ZMYM4: variants seen among roughly 807,000 people sequenced by gnomAD.
ZMYM4 encodes zinc finger MYM-type containing 4, also known as zinc finger MYM-type protein 4.
ZMYM4 carries 31 observed loss-of-function variants against 183.2 expected under a neutral mutation model. The observed-to-expected ratio is 0.17, with a 90% CI of 0.13 to 0.23. The LOEUF is 0.23. Among genes scored for constraint, ZMYM4 ranks in the 10% least tolerant of loss-of-function variants. ZMYM4 has a pLI of 1.00. For missense variants in ZMYM4, 1,273 were observed against 1,840.3 expected, an observed-to-expected ratio of 0.69 and a Z score of 5.64; for synonymous variants, 592 against 631.2, an observed-to-expected ratio of 0.94 and a Z score of 0.93.
Position 35,387,612 on chromosome 1 carries a change from C to T in ZMYM4, c.2263+8C>T. 1.3e-6 allele frequency: 2 copies of T among 1,598,580 alleles called. No homozygotes were observed. The highest frequency in any genetic ancestry group is 1.7e-6 in the Non-Finnish European group (2 of 1,175,568). Reference sequence around the variant, plus strand: ...AGTCATTCTGTAGTGAAGGTAAAGACAGAAGATTATCTTACCTACTGAGCA... The same window carrying T: ...AGTCATTCTGTAGTGAAGGTAAAGATAGAAGATTATCTTACCTACTGAGCA... On this transcript the variant is annotated splice_region_variant and intron_variant, in intron 13 of 29. Coordinates refer to ENST00000314607, the MANE Select transcript of ZMYM4 (RefSeq NM_005095.3).
In ZMYM4 at chr1:35,277,382, TATA is replaced by T. The variant is rs1639928066; in HGVS notation, c.39+8300_39+8302del. ...CAATTTTGAGAATGAAAGGGGGTGCTATAATGATTACACAGAAGGAATAGTTTA... is the reference window on the plus strand; with the variant it reads ...CAATTTTGAGAATGAAAGGGGGTGCTATGATTACACAGAAGGAATAGTTTA... On this transcript the variant is annotated intron_variant, in intron 1 of 29. Coordinates refer to ENST00000314607, the MANE Select transcript of ZMYM4 (RefSeq NM_005095.3). Among the ~76,000 whole-genome samples, 3 of 152,184 alleles carry T rather than the reference TATA, an allele frequency of 2.0e-5. No homozygotes were observed. The South Asian group carries it at 6.2e-4, about 31-fold the overall frequency.
intron 1 of ZMYM4, among the ~76,000 whole-genome samples, chr1:35,276,012 C>G (rs1404309096): frequency 6.6e-6 from 1 of 152,088 alleles, no homozygotes; most frequent in Non-Finnish European, 1.5e-5. Flanking sequence ...TAATTAGCTG[C>G]CTTTGACCAA....
intron 5 of ZMYM4, among the ~76,000 whole-genome samples, chr1:35,367,142 A>G (rs2148926596): frequency 6.6e-6 from 1 of 152,308 alleles, no homozygotes; most frequent in East Asian, 1.9e-4. Context: ...CACTTATTAC[A>G]CATATATTCT....
At position 35,268,982 on chromosome 1, in the gene ZMYM4, C is replaced by T. The variant is rs1639445697; in HGVS notation, c.-65C>T. 6 of 1,483,562 alleles carry T rather than the reference C, an allele frequency of 4.0e-6. No homozygotes were observed. The highest frequency in any genetic ancestry group is 2.6e-5 in the South Asian group (2 of 75,806). 91.9% of individuals were successfully genotyped at this position (1,483,562 alleles called of 1,614,324 possible). ...CCGTGCCTGCAGTGTGGGCGGGGGC[C>T]GGGGGGCCGAGAGGTACCGCCGCCA... On this transcript the variant is annotated 5_prime_UTR_variant, in exon 1 of 30. Transcript: ENST00000314607.
At chr1:35,357,790 A>C (rs1643867079) in intron 2 of ZMYM4, among the ~76,000 whole-genome samples, 1 of 152,206 alleles carries the variant, frequency 6.6e-6, no homozygotes, top group Admixed American at 6.5e-5. Flanking sequence ...AAATCTTATA[A>C]GAAAGGTCTA....
chr1:35,292,518 GAC>G (rs1236085680), intron 1 of ZMYM4: 4 of 152,194 alleles, frequency 2.6e-5, no homozygotes, highest in Non-Finnish European at 5.9e-5. Flanking sequence ...TTTTTTTTGA[GAC>G]AGAGTCTCAC....
intron 1 of ZMYM4, among the ~76,000 whole-genome samples, chr1:35,319,169 C>T (rs796429657): frequency 9.2e-5 from 14 of 152,124 alleles, no homozygotes; most frequent in African/African-American, 2.7e-4. Context: ...TGTGAGCCAC[C>T]GTGCCTGGCC....
chr1:35,268,978 G>C lies in ZMYM4; in HGVS notation c.-69G>C. ...GCGGCCGTGCCTGCAGTGTGGGCGGGGGCCGGGGGGCCGAGAGGTACCGCC... is the reference window on the plus strand; with the variant it reads ...GCGGCCGTGCCTGCAGTGTGGGCGGCGGCCGGGGGGCCGAGAGGTACCGCC... On this transcript the variant is annotated 5_prime_UTR_variant, in exon 1 of 30. Transcript: ENST00000314607. 4 of 1,478,220 alleles carry C rather than the reference G, an allele frequency of 2.7e-6. No homozygotes were observed. Among genetic ancestry groups the C allele is most frequent in the Middle Eastern group, 4.8e-4 (2 of 4,134 alleles). The allele number at this position is 1,478,220 out of a possible 1,614,324, so 91.6% of individuals were successfully genotyped here.
Position 35,389,181 on chromosome 1 carries a change from CT to C in ZMYM4, c.2436+103del, listed in dbSNP as rs1570502729. 1 of 1,235,470 alleles carries C rather than the reference CT, an allele frequency of 8.1e-7. No individual in the cohort carries two copies. Among genetic ancestry groups the C allele is most frequent in the Non-Finnish European group, 1.1e-6 (1 of 904,580 alleles). The allele number at this position is 1,235,470 out of a possible 1,614,324, so 76.5% of individuals were successfully genotyped here. On this transcript the variant is annotated intron_variant, in intron 14 of 29. Transcript: ENST00000314607. The surrounding 1 kb of genome is among the most constrained non-coding windows in gnomAD (Gnocchi z 4.0). ...TAAAGGACAATTTAATTATTTAAAA[CT>C]TTTAAGTATTAAATGTTTTATGCCT...
At chr1:35,339,297 C>T (rs59396158) in intron 2 of ZMYM4, among the ~76,000 whole-genome samples, 10,904 of 151,918 alleles carry the variant, frequency 0.072, 442 homozygotes, top group African/African-American at 0.093. Context: ...TGCAGTGGCG[C>T]GATCTTTGCT....
chr1:35,413,886 G>A, intron 26 of ZMYM4, 86 bp from the exon 27 acceptor site: 2 of 774,340 alleles, frequency 2.6e-6, no homozygotes, highest in Non-Finnish European at 2.0e-6. Flanking sequence ...AAAAATTAAG[G>A]GTAAACTGTA....
At chr1:35,356,510 C>T (rs1379628620) in intron 2 of ZMYM4, among the ~76,000 whole-genome samples, 1 of 152,104 alleles carries the variant, frequency 6.6e-6, no homozygotes, top group East Asian at 1.9e-4. Context: ...GACAATTTTT[C>T]CAATTATATT....
chr1:35,390,899 G>A (rs1377933212), intron 15 of ZMYM4, among the ~76,000 whole-genome samples: 2 of 152,178 alleles, frequency 1.3e-5, no homozygotes, highest in East Asian at 3.8e-4. Context: ...AGATGTGATG[G>A]TTCATGCCTG....
At position 35,386,549 on chromosome 1, in the gene ZMYM4, C is replaced by G. The variant is rs1032812979; in HGVS notation, c.1836+360C>G. 2.6e-5 allele frequency among the ~76,000 whole-genome samples: 4 copies of G among 152,138 alleles called. No individual in the cohort carries two copies. The South Asian group carries it at 6.2e-4, about 24-fold the overall frequency. ...AGTCACTTCCTGCCAGGCTCCTCCC[C>G]CAACATTGGGGATTACCGACTGGAC... On this transcript the variant is annotated intron_variant, in intron 11 of 29. Coordinates refer to ENST00000314607, the MANE Select transcript of ZMYM4 (RefSeq NM_005095.3).
chr1:35,412,069 T>TTTTAGTAGAGACAGGG (rs1639929893), intron 26 of ZMYM4, among the ~76,000 whole-genome samples: 1 of 151,824 alleles, frequency 6.6e-6, no homozygotes, highest in Non-Finnish European at 1.5e-5. Flanking sequence ...TTTTTTGTAT[T>TTTTAGTAGAGACAGGG]TTTAGTAGAG....
At chr1:35,278,241 C>CTG (rs201322562) in intron 1 of ZMYM4, among the ~76,000 whole-genome samples, 5,113 of 151,988 alleles carry the variant, frequency 0.034, 254 homozygotes, top group East Asian at 0.24. Context: ...ACCATAATTA[C>CTG]CTCTCCAAAG....
At chr1:35,313,335 T>C (rs189508230) in intron 1 of ZMYM4, among the ~76,000 whole-genome samples, 1 of 152,058 alleles carries the variant, frequency 6.6e-6, no homozygotes, top group Non-Finnish European at 1.5e-5. Flanking sequence ...GCACCCAGCC[T>C]ATCTTAAGTA....
In ZMYM4 at chr1:35,370,394, T is replaced by G. The variant is rs768832800; in HGVS notation, c.948T>G (p.Phe316Leu). Residue 316 changes from phenylalanine to leucine, a missense_variant, in exon 7 of 30, where the codon TTT becomes TTG. By Grantham distance (22) the Phe-to-Leu change is conservative. Around this residue, in one of 6 missense-constraint regions of ZMYM4, gnomAD observed 384 missense variants for 465.6 expected, o/e 0.82. Transcript: ENST00000314607. ...AAGCTCCACAGTTGACTACTGGCTT[T>G]CAGCCCTCACTGGCGTCATCTGGCA... ...SPLAPQLTTG[F>L]QPSLASSGMN... The G allele has an allele frequency of 1.3e-6, 2 of 1,589,720 alleles. No homozygotes were observed. Among genetic ancestry groups the G allele is most frequent in the Non-Finnish European group, 1.7e-6 (2 of 1,165,828 alleles).
chr1:35,404,595 A>AT (rs1330425093), intron 23 of ZMYM4, among the ~76,000 whole-genome samples: 1 of 151,862 alleles, frequency 6.6e-6, no homozygotes, highest in East Asian at 1.9e-4. Flanking sequence ...ATTTTGGAGG[A>AT]TTTTTTTGGA....
Sources: allele counts gnomAD v4.1 joint callset (sites outside exome capture counted in the v4.1 genomes callset), GRCh38; gene constraint gnomAD v4.1.1; regional missense constraint gnomAD v4.1.1; non-coding constraint Gnocchi (gnomAD v3.1); transcripts MANE v1.5; gene names NCBI Gene and HGNC (gene_info 2026-07-23, HGNC 2026-07-21).